The following LRP1 variants were observed in gnomAD, a reference collection of about 807,000 sequenced individuals.
The protein encoded by LRP1 is LDL receptor related protein 1.
Under a neutral mutation model 541.5 loss-of-function variants are expected in LRP1, and 51 were observed. That is an observed-to-expected ratio of 0.09 (90% CI 0.08 to 0.12). LRP1 has a LOEUF of 0.12. LRP1 is among the 10% of genes least tolerant of loss of function. The pLI is 1.00. For missense variants in LRP1, 3,878 were observed against 6,376.2 expected (o/e 0.61, Z 13.34); for synonymous variants, 2,219 against 2,470.8 (o/e 0.90, Z 3.02).
chr12:57,151,932 C>T (rs2035534198), intron 6 of LRP1, among the ~76,000 whole-genome samples: 1 of 152,096 alleles, frequency 6.6e-6, no homozygotes, highest in Non-Finnish European at 1.5e-5. Context: ...TCTCCAGCTG[C>T]AAAAATACCA....
chr12:57,156,825 G>T lies in LRP1; in HGVS notation c.1466G>T (p.Cys489Phe). 1 of 1,608,636 alleles carries T rather than the reference G, an allele frequency of 6.2e-7. No individual in the cohort carries two copies. ...ENDQYGKPGG[C>F]SDICLLANSH... Reference sequence around the variant, plus strand: ...GACCAGTATGGGAAGCCGGGTGGCTGCTCTGACATCTGCCTGCTGGCCAAC... The same window carrying T: ...GACCAGTATGGGAAGCCGGGTGGCTTCTCTGACATCTGCCTGCTGGCCAAC... Residue 489 changes from cysteine to phenylalanine, a missense_variant, in exon 10 of 89, where the codon TGC becomes TTC. Cys to Phe is a radical substitution (Grantham distance 205, BLOSUM62 -2). Around this residue, in one of 13 missense-constraint regions of LRP1, gnomAD observed 496 missense variants for 861.0 expected, o/e 0.58. Coordinates refer to ENST00000243077, the MANE Select transcript of LRP1 (RefSeq NM_002332.3). The surrounding 1 kb of genome is among the most constrained non-coding windows in gnomAD (Gnocchi z 5.2).
Position 57,202,346 on chromosome 12 carries a change from C to T in LRP1, c.10595-75C>T, listed in dbSNP as rs544839233. The T allele has an allele frequency of 3.3e-5, 40 of 1,197,656 alleles. No homozygotes were observed. In the African/African-American group the frequency reaches 4.8e-4, roughly 14 times the overall value. 74.2% of individuals were successfully genotyped at this position (1,197,656 alleles called of 1,614,324 possible). A position where few individuals can be genotyped will look rare whatever the true frequency, so the allele number is the denominator to read the frequency against. On this transcript the variant is annotated intron_variant, in intron 67 of 88. Coordinates refer to ENST00000243077, the MANE Select transcript of LRP1 (RefSeq NM_002332.3). Reference sequence around the variant, plus strand: ...ATGCCCACCCTCCCTGCCAGGCCAGCCTGACCATGCCTGCTTGGACCCTAA... The same window carrying T: ...ATGCCCACCCTCCCTGCCAGGCCAGTCTGACCATGCCTGCTTGGACCCTAA...
In LRP1 at chr12:57,129,002, T is replaced by A; in HGVS notation, c.38T>A (p.Leu13His). 10 of 1,551,406 alleles carry A rather than the reference T, an allele frequency of 6.4e-6. No homozygotes were observed. Among genetic ancestry groups the A allele is most frequent in the Non-Finnish European group, 8.7e-6 (10 of 1,146,800 alleles). The change falls in exon 1 of 89, where the codon CTC (leucine) becomes CAC (histidine). Residue 13 changes from leucine (L) to histidine (H), a missense_variant. This residue lies in a region of LRP1 where 293 missense variants were observed against 403.7 expected (regional missense o/e 0.73). Transcript: ENST00000243077. The stretch of plus-strand genomic sequence containing the variant: ...CCGTTGCTCCTGCTGCTGCCCCTGC[T>A]CTCAGCTCTGGTCGCGGCGGCTATC... Reference protein sequence around the residue: ...TPPLLLLLPLLSALVAAAIDA... With the variant: ...TPPLLLLLPLHSALVAAAIDA...
At position 57,201,179 on chromosome 12, in the gene LRP1, C is replaced by G; in HGVS notation, c.10345+26C>G. The G allele has an allele frequency of 6.2e-7, 1 of 1,612,424 alleles. No individual in the cohort carries two copies. The stretch of plus-strand genomic sequence containing the variant: ...GTGAGTGTCAGAGGTGGTGGTGGGC[C>G]GGTGGTGGGAGATGACACGGAAGCA... On this transcript the variant is annotated intron_variant, in intron 65 of 88. Coordinates refer to ENST00000243077, the MANE Select transcript of LRP1 (RefSeq NM_002332.3). This position sits in a 1 kb window ranked among gnomAD's most constrained non-coding sequence, Gnocchi z 6.4.
In LRP1 at chr12:57,162,439, A is replaced by T; in HGVS notation, c.2325A>T (p.Ala775=). ...VYRLERGVGG[A]PPTVTLLRSE... ...GCTTGGAACGGGGTGTAGGAGGCGC[A>T]CCCCCCACTGTGACCCTTCTGCGCA... The change falls in exon 14 of 89, where the codon GCA becomes GCT. Residue 775 remains alanine, a synonymous_variant. Coordinates refer to ENST00000243077, the MANE Select transcript of LRP1 (RefSeq NM_002332.3). The surrounding 1 kb of genome is among the most constrained non-coding windows in gnomAD (Gnocchi z 5.2). 1 of 1,613,200 alleles carries T rather than the reference A, an allele frequency of 6.2e-7. No individual in the cohort carries two copies. Among genetic ancestry groups the T allele is most frequent in the African/African-American group, 1.3e-5 (1 of 74,676 alleles).
chr12:57,161,561 T>C (rs1187379441), intron 13 of LRP1, among the ~76,000 whole-genome samples: 1 of 152,130 alleles, frequency 6.6e-6, no homozygotes, highest in Non-Finnish European at 1.5e-5. Context: ...TTCTAGTATA[T>C]AAGGCCCTTC....
chr12:57,209,614 C>A, intron 79 of LRP1, 78 bp from the exon 80 acceptor site: 1 of 1,256,018 alleles, frequency 8.0e-7, no homozygotes, highest in Non-Finnish European at 1.2e-6. Context: ...CTGGGAACCA[C>A]AGGTGCCAGT....
At chr12:57,138,093 C>G (rs1416520380) in intron 1 of LRP1, among the ~76,000 whole-genome samples, 1 of 152,088 alleles carries the variant, frequency 6.6e-6, no homozygotes, top group Admixed American at 6.5e-5. Flanking sequence ...GAAAACATGT[C>G]AAGGCCTAAA....
intron 44 of LRP1, 66 bp downstream of exon 44, chr12:57,191,578 C>G (rs1301003207): frequency 7.0e-7 from 1 of 1,419,380 alleles, no homozygotes; most frequent in Non-Finnish European, 9.6e-7. Context: ...CAAACACACA[C>G]CCCACACACA....
In LRP1 at chr12:57,178,250, C is replaced by A; in HGVS notation, c.4362-109C>A. ...GCTTAGGGGAGGGAATGGTCCCATGCTCTTCGCTGGGAGGGCTGTGGCCAG... is the reference window on the plus strand; with the variant it reads ...GCTTAGGGGAGGGAATGGTCCCATGATCTTCGCTGGGAGGGCTGTGGCCAG... On this transcript the variant is annotated intron_variant, in intron 26 of 88. Coordinates refer to ENST00000243077, the MANE Select transcript of LRP1 (RefSeq NM_002332.3). This position sits in a 1 kb window ranked among gnomAD's most constrained non-coding sequence, Gnocchi z 5.8. The A allele has an allele frequency of 7.6e-7, 1 of 1,307,514 alleles. No individual in the cohort carries two copies. The highest frequency in any genetic ancestry group is 1.5e-5 in the African/African-American group (1 of 68,360). The allele number at this position is 1,307,514 out of a possible 1,614,324, so 81.0% of individuals were successfully genotyped here. A position where few individuals can be genotyped will look rare whatever the true frequency, so the allele number is the denominator to read the frequency against.
chr12:57,150,222 C>T (rs2035501286), intron 6 of LRP1, among the ~76,000 whole-genome samples: 1 of 96,192 alleles, frequency 1.0e-5, no homozygotes, highest in South Asian at 3.1e-4. Context: ...GATGGAGTCT[C>T]ACTCTGTCGC....
Position 57,166,949 on chromosome 12 carries a change from C to A in LRP1, c.2817C>A (p.Asn939Lys). Residue 939 changes from asparagine (N) to lysine (K), a missense_variant, in exon 18 of 89, where the codon AAC (asparagine) becomes AAA (lysine). Transcript: ENST00000243077. ...CCCCAGCCCGCACCTGCCCCCCCAA[C>A]CAGTTCTCCTGTGCCAGTGGCCGCT... Reference protein sequence around the residue: ...ATCSARTCPPNQFSCASGRCI... With the variant: ...ATCSARTCPPKQFSCASGRCI... The A allele has an allele frequency of 1.2e-6, 2 of 1,613,828 alleles. No homozygotes were observed. Among genetic ancestry groups the A allele is most frequent in the Non-Finnish European group, 1.7e-6 (2 of 1,179,702 alleles).
rs2034985332 is a variant in LRP1, at chr12:57,129,196, TTGGGGGA to T, written c.67+172_67+178del. The T allele has an allele frequency of 1.3e-5, 9 of 712,632 alleles. No individual in the cohort carries two copies. The South Asian group carries it at 1.4e-4, about 11-fold the overall frequency. 44.1% of individuals were successfully genotyped at this position (712,632 alleles called of 1,614,324 possible). On this transcript the variant is annotated intron_variant, in intron 1 of 88. Transcript: ENST00000243077. ...ACTGGGGGCGGGGATGGGGTCCGAT[TTGGGGGA>T]TGGGGGCCCTGGGCAAATGATGCTT...
In LRP1 at chr12:57,195,323, C is replaced by T. The variant is rs202029441; in HGVS notation, c.8361C>T (p.Cys2787=). The T allele has an allele frequency of 3.5e-5, 57 of 1,613,318 alleles. No homozygotes were observed. Among genetic ancestry groups the T allele is most frequent in the East Asian group, 6.7e-5 (3 of 44,888 alleles). ...TCTCCTGCCCTGGCACCCACGTGTG[C>T]GTCCCCGAGCGCTGGCTCTGTGACG... ...SSFSCPGTHV[C]VPERWLCDGD... Residue 2787 remains cysteine, a synonymous_variant, in exon 52 of 89, where the codon TGC becomes TGT. Coordinates refer to ENST00000243077, the MANE Select transcript of LRP1 (RefSeq NM_002332.3).
At chr12:57,195,571 A>G (rs2036513819) in intron 52 of LRP1, 87 bp from the exon 53 acceptor site, 2 of 1,603,148 alleles carry the variant, frequency 1.2e-6, no homozygotes, top group African/African-American at 2.7e-5. Context: ...TGCCCACTCT[A>G]CCAGGAGAAC....
Position 57,190,789 on chromosome 12 carries a change from G to T in LRP1, c.7032-16G>T. ...CTCAGGCTTTGCCTCCTGATCTCTG[G>T]ACCCTCTTCCCCCAGCCTCATGTTC... On this transcript the variant is annotated splice_polypyrimidine_tract_variant and intron_variant, in intron 42 of 88. Transcript: ENST00000243077. The T allele has an allele frequency of 6.2e-7, 1 of 1,611,768 alleles. No homozygotes were observed. The highest frequency in any genetic ancestry group is 8.5e-7 in the Non-Finnish European group (1 of 1,178,678).
Position 57,211,845 on chromosome 12 carries a change from C to T in LRP1, c.13258+31C>T. The T allele has an allele frequency of 1.2e-6, 2 of 1,613,222 alleles. No homozygotes were observed. Among genetic ancestry groups the T allele is most frequent in the Non-Finnish European group, 1.7e-6 (2 of 1,179,982 alleles). Reference sequence around the variant, plus strand: ...TGGCAGGGGTTGGGGCAGGCAGGGCCACCGGGACCTAGAGCAGGGGGACCG... The same window carrying T: ...TGGCAGGGGTTGGGGCAGGCAGGGCTACCGGGACCTAGAGCAGGGGGACCG... On this transcript the variant is annotated intron_variant, in intron 86 of 88. Coordinates refer to ENST00000243077, the MANE Select transcript of LRP1 (RefSeq NM_002332.3). The surrounding 1 kb of genome is among the most constrained non-coding windows in gnomAD (Gnocchi z 4.3).
chr12:57,203,440 C>T lies in LRP1; in HGVS notation c.10870C>T (p.His3624Tyr). 1 of 1,607,284 alleles carries T rather than the reference C, an allele frequency of 6.2e-7. No individual in the cohort carries two copies. The highest frequency in any genetic ancestry group is 8.5e-7 in the Non-Finnish European group (1 of 1,176,962). Residue 3624 changes from histidine (H) to tyrosine (Y), a missense_variant, in exon 70 of 89, where the codon CAC becomes TAC. His to Tyr is a moderately conservative substitution (Grantham distance 83). Transcript: ENST00000243077. ...DMDQFQCKSG[H>Y]CIPLRWRCDA... Reference sequence around the variant, plus strand: ...GGACCAGTTCCAGTGCAAGAGCGGCCACTGCATCCCCCTGCGCTGGCGCTG... The same window carrying T: ...GGACCAGTTCCAGTGCAAGAGCGGCTACTGCATCCCCCTGCGCTGGCGCTG...
rs1201382879 is a variant in LRP1, at chr12:57,194,558, C to T, written c.8069-19C>T. 2 of 1,612,564 alleles carry T rather than the reference C, an allele frequency of 1.2e-6. No homozygotes were observed. The highest frequency in any genetic ancestry group is 1.7e-6 in the Non-Finnish European group (2 of 1,179,870). ...TGGCCTGCGGTGAGCAGGGCCCTCA[C>T]ACCTGCCTCGCCCCCCAGGTGTGAA... On this transcript the variant is annotated intron_variant, in intron 49 of 88. Coordinates refer to ENST00000243077, the MANE Select transcript of LRP1 (RefSeq NM_002332.3).
Sources: gnomAD v4.1 joint callset for allele counts (sites outside exome capture counted in the v4.1 genomes callset) on GRCh38, gnomAD v4.1.1 for gene constraint, gnomAD v4.1.1 regional missense constraint, Gnocchi (gnomAD v3.1) non-coding constraint, MANE v1.5 for transcripts, NCBI Gene and HGNC (gene_info 2026-07-23, HGNC 2026-07-21) for gene names.